Variants in TRAPPC11 observed in about 807,000 individuals in gnomAD.
TRAPPC11 encodes the protein foie gras homolog.
TRAPPC11 carries 104 observed loss-of-function variants against 151.2 expected under a neutral mutation model. That is an observed-to-expected ratio of 0.69 (90% confidence interval 0.59 to 0.81). TRAPPC11 has a LOEUF of 0.81. Ranked by LOEUF, TRAPPC11 falls within the 30% of genes least tolerant of loss-of-function variation. The probability of loss-of-function intolerance (pLI) is 0.00; values close to 1 mark genes in which losing one functional copy is unlikely to be tolerated. For synonymous variants in TRAPPC11, 456 were observed against 472.3 expected, an observed-to-expected ratio of 0.97 and a Z score of 0.45; for missense variants, 1,230 against 1,349.6, an observed-to-expected ratio of 0.91 and a Z score of 1.39.
Position 183,684,743 on chromosome 4 carries a change from C to T in TRAPPC11, c.1469C>T (p.Thr490Ile), listed in dbSNP as rs746842049. 2 of 1,613,804 alleles carry T rather than the reference C, an allele frequency of 1.2e-6. No individual in the cohort carries two copies. The highest frequency in any genetic ancestry group is 1.7e-6 in the Non-Finnish European group (2 of 1,179,898). ...MCDYRSEGWW[T>I]LLTSVLTTAL... ...GATTATCGGAGTGAAGGATGGTGGACTCTGCTCACTTCTGTATTAACTACA... is the reference window on the plus strand; with the variant it reads ...GATTATCGGAGTGAAGGATGGTGGATTCTGCTCACTTCTGTATTAACTACA... The change falls in exon 15 of 30, where the codon ACT becomes ATT. Residue 490 changes from threonine (T) to isoleucine (I), a missense_variant. Transcript: ENST00000334690.
chr4:183,662,292 G>A (rs1467104665), intron 1 of TRAPPC11, among the ~76,000 whole-genome samples: 2 of 145,912 alleles, frequency 1.4e-5, no homozygotes, highest in East Asian at 4.0e-4. Context: ...GGAGGTGGAG[G>A]TTGTAGTGAG....
In TRAPPC11 at chr4:183,664,063, A is replaced by G. The variant is rs892771821; in HGVS notation, c.196A>G (p.Arg66Gly). The change falls in exon 2 of 30, where the codon AGA (arginine) becomes GGA (glycine). Residue 66 changes from arginine (R) to glycine (G), a missense_variant. By Grantham distance (125) the Arg-to-Gly change is moderately radical. Coordinates refer to ENST00000334690, the MANE Select transcript of TRAPPC11 (RefSeq NM_021942.6). ...LPGDHEYPKC[R>G]PKRTSYEWYI... Reference sequence around the variant, plus strand: ...AGGTGACCATGAGTATCCCAAATGTAGACCCAAGGTAATGGCATTGTGATG... The same window carrying G: ...AGGTGACCATGAGTATCCCAAATGTGGACCCAAGGTAATGGCATTGTGATG... 1.9e-6 allele frequency: 3 copies of G among 1,612,446 alleles called. No individual in the cohort carries two copies. The African/African-American group carries it at 4.0e-5, about 22-fold the overall frequency.
chr4:183,675,265 T>C, intron 7 of TRAPPC11, 28 bp downstream of exon 7: 2 of 1,399,816 alleles, frequency 1.4e-6, no homozygotes, highest in Non-Finnish European at 9.7e-7. Flanking sequence ...ACTAAATGTT[T>C]CCTATTTTTA....
chr4:183,663,222 T>A (rs1468190944), intron 1 of TRAPPC11, among the ~76,000 whole-genome samples: 3 of 151,810 alleles, frequency 2.0e-5, no homozygotes, highest in African/African-American at 7.3e-5. Context: ...TGTGCCACCA[T>A]GTCCAGCTAA....
intron 25 of TRAPPC11, among the ~76,000 whole-genome samples, chr4:183,698,969 C>T (rs867816051): frequency 6.6e-6 from 1 of 152,184 alleles, no homozygotes; most frequent in Non-Finnish European, 1.5e-5. Flanking sequence ...CCATCCTCAC[C>T]ATTTCTCTCA....
chr4:183,660,138 C>T (rs913945789), intron 1 of TRAPPC11, among the ~76,000 whole-genome samples: 8 of 152,158 alleles, frequency 5.3e-5, no homozygotes, highest in African/African-American at 1.9e-4. Context: ...TGCGCCTGTG[C>T]GTTATCGGGG....
Position 183,679,018 on chromosome 4 carries a change from T to C in TRAPPC11, c.832-335T>C, listed in dbSNP as rs569030465. On this transcript the variant is annotated intron_variant, in intron 8 of 29. Transcript: ENST00000334690. ...TAAAACTGAAAATTGATCTATCTTA[T>C]CTCAATTACCTGTTGGACATAGTTT... Among the ~76,000 whole-genome samples, 34 of 152,354 alleles carry C rather than the reference T, an allele frequency of 2.2e-4. No individual in the cohort carries two copies. The South Asian group carries it at 6.0e-3, about 27-fold the overall frequency.
intron 11 of TRAPPC11, among the ~76,000 whole-genome samples, chr4:183,683,034 A>T (rs1301542614): frequency 1.3e-5 from 2 of 152,160 alleles, no homozygotes; most frequent in East Asian, 3.9e-4. Flanking sequence ...TGATTAAAAC[A>T]TGTATCTGGG....
intron 5 of TRAPPC11, among the ~76,000 whole-genome samples, chr4:183,669,450 G>C (rs866125136): frequency 6.6e-6 from 1 of 152,162 alleles, no homozygotes; most frequent in African/African-American, 2.4e-5. Flanking sequence ...TCACAGTGCT[G>C]TTCCTTGTCA....
At chr4:183,693,261 G>A (rs868812154) in intron 20 of TRAPPC11, 114 bp downstream of exon 20, 5 of 1,035,566 alleles carry the variant, frequency 4.8e-6, no homozygotes, top group Admixed American at 3.0e-5. Flanking sequence ...GTGTGATCAC[G>A]ACTCACTGTA....
chr4:183,667,133 A>G lies in TRAPPC11; in HGVS notation c.445+3A>G. The stretch of plus-strand genomic sequence containing the variant: ...GAAGAAAACCCCTTTGCCCCCAGGT[A>G]TCAGAAGTCTAATTAATGAATTAAT... On this transcript the variant is annotated splice_donor_region_variant and intron_variant, in intron 4 of 29. Transcript: ENST00000334690. 2 of 1,600,898 alleles carry G rather than the reference A, an allele frequency of 1.2e-6. No homozygotes were observed. The highest frequency in any genetic ancestry group is 1.7e-6 in the Non-Finnish European group (2 of 1,171,072).
chr4:183,673,641 T>A (rs1421694597), intron 5 of TRAPPC11, among the ~76,000 whole-genome samples: 4 of 151,882 alleles, frequency 2.6e-5, no homozygotes, highest in Non-Finnish European at 5.9e-5. Flanking sequence ...ACCACTGCAC[T>A]CCAGCCTGGG....
rs144583843 is a variant in TRAPPC11 at position 183,662,952 on chromosome 4, T to A, written c.-21-895T>A. Among the ~76,000 whole-genome samples, 1,160 of 152,332 alleles carry A rather than the reference T, an allele frequency of 7.6e-3. 9 individuals carry two copies. Among genetic ancestry groups the A allele is most frequent in the Middle Eastern group, 0.024 (7 of 294 alleles). On this transcript the variant is annotated intron_variant, in intron 1 of 29. Transcript: ENST00000334690. Reference sequence around the variant, plus strand: ...GATTTTTTCTTAAATGTCATATAGTTATTACATTTTAATAGATCTAATTCA... The same window carrying A: ...GATTTTTTCTTAAATGTCATATAGTAATTACATTTTAATAGATCTAATTCA...
chr4:183,707,478 A>G (rs1303915913), intron 28 of TRAPPC11, among the ~76,000 whole-genome samples: 2 of 152,176 alleles, frequency 1.3e-5, no homozygotes, highest in African/African-American at 4.8e-5. Context: ...AAGTTTTTAA[A>G]TGAGCAAACA....
chr4:183,672,012 A>C (rs1031391089), intron 5 of TRAPPC11, among the ~76,000 whole-genome samples: 2 of 152,238 alleles, frequency 1.3e-5, no homozygotes, highest in Admixed American at 1.3e-4. Flanking sequence ...GTACGTGTGC[A>C]TCTTGTCTAG....
intron 1 of TRAPPC11, among the ~76,000 whole-genome samples, chr4:183,660,988 A>G (rs1353282057): frequency 2.6e-5 from 4 of 152,094 alleles, no homozygotes; most frequent in Non-Finnish European, 5.9e-5. Context: ...CTGGGATTAC[A>G]GGCGTGAGCC....
At chr4:183,661,958 T>A (rs1486464773) in intron 1 of TRAPPC11, among the ~76,000 whole-genome samples, 2 of 151,824 alleles carry the variant, frequency 1.3e-5, no homozygotes, top group Non-Finnish European at 2.9e-5. Flanking sequence ...AGAGACAGGA[T>A]CTCACTATGT....
chr4:183,684,343 T>C lies in TRAPPC11; in HGVS notation c.1405T>C (p.Tyr469His). The change falls in exon 14 of 30, where the codon TAT becomes CAT. Residue 469 changes from tyrosine to histidine, a missense_variant. Transcript: ENST00000334690. Reference sequence around the variant, plus strand: ...AGAGGAATATTATTACGCAAAGGATTATACCAAAGCTTTGAAGTGAGTCCT... The same window carrying C: ...AGAGGAATATTATTACGCAAAGGATCATACCAAAGCTTTGAAGTGAGTCCT... The part of the protein sequence containing the change: ...MGEEYYYAKD[Y>H]TKALKLLDYV... The C allele has an allele frequency of 6.2e-7, 1 of 1,613,742 alleles. No individual in the cohort carries two copies. Among genetic ancestry groups the C allele is most frequent in the Non-Finnish European group, 8.5e-7 (1 of 1,179,676 alleles).
At chr4:183,661,575 G>C (rs921302800) in intron 1 of TRAPPC11, among the ~76,000 whole-genome samples, 2 of 151,320 alleles carry the variant, frequency 1.3e-5, no homozygotes, top group Admixed American at 6.6e-5. Flanking sequence ...GTTTCACCAT[G>C]TTAGCCAGGA....
Sources: gnomAD v4.1 joint callset for allele counts (sites outside exome capture counted in the v4.1 genomes callset) on GRCh38, gnomAD v4.1.1 for gene constraint, MANE v1.5 for transcripts, NCBI Gene and HGNC (gene_info 2026-07-23, HGNC 2026-07-21) for gene names.